ESRRB: variants seen among roughly 807,000 people sequenced by gnomAD.
ESRRB encodes steroid hormone receptor ERR2.
ESRRB carries 16 observed loss-of-function variants against 46.0 expected under a neutral mutation model. The ratio of observed to expected loss-of-function variants is 0.35; its 90% CI spans 0.24 to 0.53. The LOEUF (loss-of-function observed/expected upper bound fraction) is 0.53, where lower values mean the gene tolerates loss of function less well. ESRRB is among the 20% of genes least tolerant of loss of function. The pLI is 0.93. For synonymous variants in ESRRB, 246 were observed against 259.6 expected (o/e 0.95, Z 0.50); for missense variants, 488 against 607.4 (o/e 0.80, Z 2.07).
upstream of ESRRB, among the ~76,000 whole-genome samples, chr14:76,370,143 C>CT (rs1884585816): frequency 6.6e-6 from 1 of 151,742 alleles, no homozygotes; most frequent in African/African-American, 2.4e-5. Context: ...GTAATCCCAG[C>CT]ACTTTGGGAG....
At chr14:76,472,772 C>T (rs1889422893) in intron 3 of ESRRB, among the ~76,000 whole-genome samples, 1 of 152,228 alleles carries the variant, frequency 6.6e-6, no homozygotes, top group Non-Finnish European at 1.5e-5. Context: ...GTGGTTTTCT[C>T]CTCCTCCTGG....
At chr14:76,369,856 C>T (rs544031074), upstream of ESRRB, among the ~76,000 whole-genome samples, 96 of 152,156 alleles carry the variant, frequency 6.3e-4, no homozygotes, top group East Asian at 9.6e-4. Flanking sequence ...ATTAATTTTC[C>T]GAAAGTTTCC....
intron 1 of ESRRB, among the ~76,000 whole-genome samples, chr14:76,415,272 CT>C (rs1886648127): frequency 1.3e-5 from 2 of 152,180 alleles, no homozygotes; most frequent in South Asian, 4.1e-4. Flanking sequence ...CTTGTACAAA[CT>C]TTAGGGGTGT....
intron 1 of ESRRB, among the ~76,000 whole-genome samples, chr14:76,316,145 C>T (rs1883797033): frequency 6.6e-6 from 1 of 152,206 alleles, no homozygotes; most frequent in South Asian, 2.1e-4. Context: ...TCCCTCTTGA[C>T]ACGATCACTT....
intron 2 of ESRRB, among the ~76,000 whole-genome samples, chr14:76,452,637 C>A (rs3034313): frequency 0.037 from 1,492 of 40,318 alleles, 15 homozygotes; most frequent in Admixed American, 0.045. Context: ...AAAAACAAAA[C>A]AAAAACAAAA....
intron 1 of ESRRB, among the ~76,000 whole-genome samples, chr14:76,398,537 G>A (rs1885796308): frequency 6.6e-6 from 1 of 152,136 alleles, no homozygotes; most frequent in Non-Finnish European, 1.5e-5. Flanking sequence ...CCCTAGAGTA[G>A]GGAGGCAGTG....
At chr14:76,346,017 G>C (rs919026727) in intron 1 of ESRRB, among the ~76,000 whole-genome samples, 4 of 152,084 alleles carry the variant, frequency 2.6e-5, no homozygotes, top group Admixed American at 2.0e-4. Context: ...GGAAGGATCT[G>C]TCCATGCCTC....
chr14:76,446,212 A>G (rs1278885536), intron 2 of ESRRB, among the ~76,000 whole-genome samples: 1 of 152,208 alleles, frequency 6.6e-6, no homozygotes, highest in Non-Finnish European at 1.5e-5. Flanking sequence ...GGCCTGATCC[A>G]CAAAACCTGA....
intron 1 of ESRRB, among the ~76,000 whole-genome samples, chr14:76,317,072 G>A (rs1307017861): frequency 2.0e-5 from 3 of 152,162 alleles, no homozygotes; most frequent in Non-Finnish European, 4.4e-5. Flanking sequence ...GCACAGACAA[G>A]GCTTTTGAAA....
intron 3 of ESRRB, among the ~76,000 whole-genome samples, chr14:76,475,509 A>G (rs1050840724): frequency 6.6e-6 from 1 of 152,174 alleles, no homozygotes; most frequent in African/African-American, 2.4e-5. Context: ...ATTCCTTTCT[A>G]TGACTAAGTA....
At chr14:76,401,953 A>G (rs1207646204) in intron 1 of ESRRB, among the ~76,000 whole-genome samples, 2 of 152,232 alleles carry the variant, frequency 1.3e-5, no homozygotes, top group African/African-American at 2.4e-5. Context: ...AGGAGAGCTG[A>G]CAGTGTAATT....
At chr14:76,360,353 C>A (rs1884448035) in intron 1 of ESRRB, among the ~76,000 whole-genome samples, 1 of 152,124 alleles carries the variant, frequency 6.6e-6, no homozygotes, top group Admixed American at 6.5e-5. Flanking sequence ...GTCTCCGGAG[C>A]AGAGCAGGGA....
chr14:76,456,416 T>C (rs1888617999), intron 2 of ESRRB, among the ~76,000 whole-genome samples: 5 of 151,844 alleles, frequency 3.3e-5, no homozygotes, highest in Admixed American at 2.6e-4. Context: ...GTGTGGAGGA[T>C]AGATTGGAAA....
chr14:76,491,415 G>A lies in ESRRB; in HGVS notation c.851-32G>A, dbSNP rs1890220750. The stretch of plus-strand genomic sequence containing the variant: ...GGCCCCTGGTCCGCCCTCCTGACCT[G>A]CTGCTGCCCTCTGTGCCCCCTCTTC... On this transcript the variant is annotated intron_variant, in intron 5 of 6. Transcript: ENST00000644823. 1.1e-5 allele frequency: 17 copies of A among 1,604,784 alleles called. No homozygotes were observed. The East Asian group carries it at 3.6e-4, about 34-fold the overall frequency.
chr14:76,354,669 G>A (rs1157605960), intron 1 of ESRRB, among the ~76,000 whole-genome samples: 4 of 150,496 alleles, frequency 2.7e-5, no homozygotes, highest in Non-Finnish European at 5.9e-5. Context: ...TCTCGGGGGT[G>A]GAAGAGTGTG....
intron 1 of ESRRB, among the ~76,000 whole-genome samples, chr14:76,358,997 G>A (rs892911032): frequency 4.6e-5 from 7 of 152,212 alleles, no homozygotes; most frequent in African/African-American, 1.4e-4. Context: ...TGATACTGGC[G>A]CTGCTGGCTT....
In ESRRB at chr14:76,499,203, A is replaced by G. The variant is rs1890565336; in HGVS notation, c.*745A>G. The stretch of plus-strand genomic sequence containing the variant: ...ACCCTACCTCAGAGCTCACTCACCC[A>G]GTGGGTTCAGCCAGCCACAGCGACT... On this transcript the variant is annotated 3_prime_UTR_variant, in exon 7 of 7. Coordinates refer to ENST00000644823, the MANE Select transcript of ESRRB (RefSeq NM_001379180.1). 2 of 268,886 alleles carry G rather than the reference A, an allele frequency of 7.4e-6. No homozygotes were observed. Among genetic ancestry groups the G allele is most frequent in the African/African-American group, 2.2e-5 (1 of 44,592 alleles). 16.7% of individuals were successfully genotyped at this position (268,886 alleles called of 1,614,324 possible).
chr14:76,322,182 C>T (rs936442917), intron 1 of ESRRB, among the ~76,000 whole-genome samples: 3 of 152,192 alleles, frequency 2.0e-5, no homozygotes, highest in Non-Finnish European at 4.4e-5. Context: ...TCCTGATACT[C>T]TAGCTTTGAT....
rs1889864588 is a variant in ESRRB, at chr14:76,482,862, A to G, written c.850+103A>G. ...TTCTGATGCCCGGATCCTGGACCCC[A>G]GAAGGCCTGTGAAATCCTGGCAGGC... On this transcript the variant is annotated intron_variant, in intron 5 of 6. Transcript: ENST00000644823. The surrounding 1 kb of genome is among the most constrained non-coding windows in gnomAD (Gnocchi z 4.3). 2 of 1,414,316 alleles carry G rather than the reference A, an allele frequency of 1.4e-6. No homozygotes were observed. The highest frequency in any genetic ancestry group is 2.0e-6 in the Non-Finnish European group (2 of 1,011,090). The allele number at this position is 1,414,316 out of a possible 1,614,324, so 87.6% of individuals were successfully genotyped here.
Sources: gnomAD v4.1 joint callset for allele counts (sites outside exome capture counted in the v4.1 genomes callset) on GRCh38, gnomAD v4.1.1 for gene constraint, Gnocchi (gnomAD v3.1) non-coding constraint, MANE v1.5 for transcripts, NCBI Gene and HGNC (gene_info 2026-07-23, HGNC 2026-07-21) for gene names.